Variants in TRIM11 observed in about 807,000 individuals in gnomAD.
TRIM11 encodes the protein E3 ubiquitin-protein ligase TRIM11.
TRIM11 carries 15 observed loss-of-function variants against 33.4 expected under a neutral mutation model. The ratio of observed to expected loss-of-function variants is 0.45; its 90% confidence interval spans 0.30 to 0.69. TRIM11 has a LOEUF of 0.69. TRIM11 is among the 30% of genes least tolerant of loss of function. TRIM11 has a pLI of 0.08. For missense variants in TRIM11, 499 were observed against 667.6 expected (o/e 0.75, Z 2.78); for synonymous variants, 281 against 302.6 (o/e 0.93, Z 0.74).
At position 228,397,146 on chromosome 1, in the gene TRIM11, C is replaced by T. The variant is rs765909986; in HGVS notation, c.755G>A (p.Arg252His). ...GLLQDIKDAL[R>H]RVQDVKLQPP... ...CCAGGAGAGGCTGGGTTCGTACCTG[C>T]GCAGGGCGTCCTTGATGTCCTATGT... Residue 252 changes from arginine to histidine, a missense_variant, in exon 4 of 6, where the codon CGC becomes CAC. Coordinates refer to ENST00000284551, the MANE Select transcript of TRIM11 (RefSeq NM_145214.3). The T allele has an allele frequency of 1.3e-5, 21 of 1,613,578 alleles. No homozygotes were observed. The highest frequency in any genetic ancestry group is 3.3e-5 in the South Asian group (3 of 91,058).
At position 228,401,312 on chromosome 1, in the gene TRIM11, G is replaced by A; in HGVS notation, c.505-118C>T. The A allele has an allele frequency of 8.0e-7, 1 of 1,246,754 alleles. No individual in the cohort carries two copies. 77.2% of individuals were successfully genotyped at this position (1,246,754 alleles called of 1,614,324 possible). On this transcript the variant is annotated intron_variant, in intron 2 of 5. Coordinates refer to ENST00000284551, the MANE Select transcript of TRIM11 (RefSeq NM_145214.3). The surrounding 1 kb of genome is among the most constrained non-coding windows in gnomAD (Gnocchi z 6.1). ...GGCTGCACCCAACCCCACCCCCGGG[G>A]CCTGCTAAAGCCAAAGCACAGCACC...
chr1:228,397,381 C>T, intron 3 of TRIM11: 1 of 607,304 alleles, frequency 1.6e-6, no homozygotes, highest in Non-Finnish European at 2.9e-6. Flanking sequence ...GAGGCATCAC[C>T]AATGGGGTGC....
chr1:228,394,878 C>A lies in TRIM11; in HGVS notation c.1234G>T (p.Ala412Ser), dbSNP rs763514644. 5.6e-6 allele frequency: 9 copies of A among 1,614,124 alleles called. No homozygotes were observed. The highest frequency in any genetic ancestry group is 1.1e-5 in the South Asian group (1 of 91,076). ...RRVGIFLDYE[A>S]GHLSFYSATD... ...GCACTGTAGAAAGAGAGATGTCCAG[C>A]CTCGTAGTCCAGAAAGATCCCCACG... The change falls in exon 6 of 6, where the codon GCT (alanine) becomes TCT (serine). Residue 412 changes from alanine to serine, a missense_variant. Transcript: ENST00000284551. The surrounding 1 kb of genome is among the most constrained non-coding windows in gnomAD (Gnocchi z 6.2).
chr1:228,396,488 C>T (rs2074987651), intron 5 of TRIM11: 2 of 594,046 alleles, frequency 3.4e-6, no homozygotes, highest in South Asian at 2.1e-5. Context: ...GTATCCTTCA[C>T]AATAAACCAA....
Position 228,400,765 on chromosome 1 carries a change from G to A in TRIM11, c.735+199C>T, listed in dbSNP as rs1033909691. On this transcript the variant is annotated intron_variant, in intron 3 of 5. Coordinates refer to ENST00000284551, the MANE Select transcript of TRIM11 (RefSeq NM_145214.3). The surrounding 1 kb of genome is among the most constrained non-coding windows in gnomAD (Gnocchi z 4.5). ...ATTGATTTTCCCTTTCTCGGCACGT[G>A]GGTTTTGGGGGTGGGACATCTGTCC... Among the ~76,000 whole-genome samples the A allele has an allele frequency of 3.0e-4, 46 of 152,298 alleles. 1 individual carries two copies. Among genetic ancestry groups the A allele is most frequent in the African/African-American group, 1.1e-3 (44 of 41,550 alleles).
rs745988237 is a variant in TRIM11 at position 228,400,682 on chromosome 1, T to G, written c.735+282A>C. ...AGCAGCAGTGTCAGTCAGGACGAGA[T>G]GGAGTGACCTTATGTAATCACTTAA... On this transcript the variant is annotated intron_variant, in intron 3 of 5. Coordinates refer to ENST00000284551, the MANE Select transcript of TRIM11 (RefSeq NM_145214.3). The surrounding 1 kb of genome is among the most constrained non-coding windows in gnomAD (Gnocchi z 4.5). 2.0e-5 allele frequency among the ~76,000 whole-genome samples: 3 copies of G among 152,136 alleles called. No individual in the cohort carries two copies. The highest frequency in any genetic ancestry group is 4.4e-5 in the Non-Finnish European group (3 of 68,020).
rs1158387081 is a variant in TRIM11, at chr1:228,400,013, C to G, written c.735+951G>C. ...GGCTCCAGAGGCCGGCAGCAGGTCACCCCCTGTGCAAAGCCGCCCAGCCAC... is the reference window on the plus strand; with the variant it reads ...GGCTCCAGAGGCCGGCAGCAGGTCAGCCCCTGTGCAAAGCCGCCCAGCCAC... On this transcript the variant is annotated intron_variant, in intron 3 of 5. Transcript: ENST00000284551. The surrounding 1 kb of genome is among the most constrained non-coding windows in gnomAD (Gnocchi z 4.5). Among the ~76,000 whole-genome samples the G allele has an allele frequency of 1.3e-5, 2 of 152,166 alleles. No homozygotes were observed. Among genetic ancestry groups the G allele is most frequent in the African/African-American group, 4.8e-5 (2 of 41,452 alleles).
chr1:228,397,318 C>A, intron 3 of TRIM11, 153 bp from the exon 4 acceptor site: 2 of 782,960 alleles, frequency 2.6e-6, no homozygotes, highest in Admixed American at 2.8e-5. Flanking sequence ...AAACCACCCG[C>A]AGCAAGGCTC....
At chr1:228,399,963 C>T (rs144335979) in intron 3 of TRIM11, among the ~76,000 whole-genome samples, 13 of 152,224 alleles carry the variant, frequency 8.5e-5, no homozygotes, top group Non-Finnish European at 1.8e-4. Flanking sequence ...AACCAGGAGC[C>T]GGTGCCTGGA....
At chr1:228,402,262 C>A (rs1656263313) in intron 1 of TRIM11, 101 bp from the exon 2 acceptor site, 2 of 818,298 alleles carry the variant, frequency 2.4e-6, no homozygotes, top group South Asian at 1.9e-5. Flanking sequence ...ACAATGGGGA[C>A]AAACTGAAAT....
rs1021195206 is a variant in TRIM11 at position 228,394,379 on chromosome 1, C to G, written c.*326G>C. ...TAGGTGAACCCTGGATTCTGCAAGC[C>G]CCAGTGGAGTTTTCTCAGCTTCTGG... On this transcript the variant is annotated 3_prime_UTR_variant, in exon 6 of 6. Transcript: ENST00000284551. This position sits in a 1 kb window ranked among gnomAD's most constrained non-coding sequence, Gnocchi z 6.2. 8.8e-5 allele frequency: 32 copies of G among 362,658 alleles called. No individual in the cohort carries two copies. The highest frequency in any genetic ancestry group is 1.5e-4 in the Non-Finnish European group (30 of 201,106). The allele number at this position is 362,658 out of a possible 1,614,324, so 22.5% of individuals were successfully genotyped here.
At position 228,395,448 on chromosome 1, in the gene TRIM11, T is replaced by G; in HGVS notation, c.860-196A>C. ...CCTCTCCCCACTTAGCTACGTCCAG[T>G]TGCAACTTACAATGTCCTACAAATT... On this transcript the variant is annotated intron_variant, in intron 5 of 5. Coordinates refer to ENST00000284551, the MANE Select transcript of TRIM11 (RefSeq NM_145214.3). This position sits in a 1 kb window ranked among gnomAD's most constrained non-coding sequence, Gnocchi z 4.8. 2.2e-6 allele frequency: 1 copy of G among 455,916 alleles called. No individual in the cohort carries two copies. The highest frequency in any genetic ancestry group is 3.6e-6 in the Non-Finnish European group (1 of 275,510). The allele number at this position is 455,916 out of a possible 1,614,324, so 28.2% of individuals were successfully genotyped here.
chr1:228,399,654 C>T (rs2075014754), intron 3 of TRIM11, among the ~76,000 whole-genome samples: 2 of 152,078 alleles, frequency 1.3e-5, no homozygotes, highest in African/African-American at 4.8e-5. Flanking sequence ...TTACTGACCA[C>T]AGGACCCTCT....
Position 228,401,170 on chromosome 1 carries a change from T to G in TRIM11, c.529A>C (p.Asn177His). Residue 177 changes from asparagine to histidine, a missense_variant, in exon 3 of 6, where the codon AAC becomes CAC. Physicochemically the swap from Asn to His is moderately conservative, Grantham distance 68. Transcript: ENST00000284551. This position sits in a 1 kb window ranked among gnomAD's most constrained non-coding sequence, Gnocchi z 6.1. The part of the protein sequence containing the change: ...WQKMVESQRQ[N>H]VLGEFERLRR... The stretch of plus-strand genomic sequence containing the variant: ...AGACGCTCGAACTCACCCAGCACGT[T>G]CTGCCGCTGGCTCTCCACCATCTTC... 1 of 1,613,304 alleles carries G rather than the reference T, an allele frequency of 6.2e-7. No homozygotes were observed. The highest frequency in any genetic ancestry group is 8.5e-7 in the Non-Finnish European group (1 of 1,179,824).
At chr1:228,396,676 G>A (rs1335243655) in intron 5 of TRIM11, 1 of 717,414 alleles carries the variant, frequency 1.4e-6, no homozygotes, top group Admixed American at 2.0e-5. Flanking sequence ...ACTAACTCCT[G>A]TAGTGTCAGC....
chr1:228,395,330 G>A lies in TRIM11; in HGVS notation c.860-78C>T, dbSNP rs936363012. On this transcript the variant is annotated intron_variant, in intron 5 of 5. Coordinates refer to ENST00000284551, the MANE Select transcript of TRIM11 (RefSeq NM_145214.3). This position sits in a 1 kb window ranked among gnomAD's most constrained non-coding sequence, Gnocchi z 4.8. ...CATCTGCCCATGTCCTGGGCATGTA[G>A]GTACAATCCTCCCAGTCGGACGGCC... 8.1e-6 allele frequency: 11 copies of A among 1,364,640 alleles called. No individual in the cohort carries two copies. The highest frequency in any genetic ancestry group is 8.0e-5 in the East Asian group (3 of 37,412). 84.5% of individuals were successfully genotyped at this position (1,364,640 alleles called of 1,614,324 possible). A position where few individuals can be genotyped will look rare whatever the true frequency, so the allele number is the denominator to read the frequency against.
At position 228,396,928 on chromosome 1, in the gene TRIM11, C is replaced by A. The variant is rs761857107; in HGVS notation, c.859+19G>T. 1 of 1,613,114 alleles carries A rather than the reference C, an allele frequency of 6.2e-7. No individual in the cohort carries two copies. Among genetic ancestry groups the A allele is most frequent in the South Asian group, 1.1e-5 (1 of 91,058 alleles). On this transcript the variant is annotated intron_variant, in intron 5 of 5. Coordinates refer to ENST00000284551, the MANE Select transcript of TRIM11 (RefSeq NM_145214.3). The stretch of plus-strand genomic sequence containing the variant: ...TCCCCTCCTGGAGTCATCTCCCCAC[C>A]TGGGGCCTCCACACCTACCTCGAAA...
chr1:228,401,830 G>C lies in TRIM11; in HGVS notation c.504+236C>G, dbSNP rs370771611. ...TGAGAGTTGCCACCCAAGCATGCTG[G>C]GACCCCAGGATGGGGCCCTTGCAGT... is the stretch of plus-strand genomic sequence containing the variant. On this transcript the variant is annotated intron_variant, in intron 2 of 5. Transcript: ENST00000284551. The surrounding 1 kb of genome is among the most constrained non-coding windows in gnomAD (Gnocchi z 6.1). Among the ~76,000 whole-genome samples the C allele has an allele frequency of 7.8e-4, 118 of 152,236 alleles. 1 individual carries two copies. The East Asian group carries it at 0.01, about 13-fold the overall frequency.
In TRIM11 at chr1:228,394,848, C is replaced by T. The variant is rs780165869; in HGVS notation, c.1264G>A (p.Asp422Asn). Residue 422 changes from aspartate (D) to asparagine (N), a missense_variant, in exon 6 of 6, where the codon GAT becomes AAT. Physicochemically the swap from Asp to Asn is conservative, Grantham distance 23 (BLOSUM62 1). Coordinates refer to ENST00000284551, the MANE Select transcript of TRIM11 (RefSeq NM_145214.3). This position sits in a 1 kb window ranked among gnomAD's most constrained non-coding sequence, Gnocchi z 6.2. ...AGHLSFYSAT[D>N]GSLLFIFPEI... is the part of the protein sequence containing the mutation. ...GGAAAGATGAATAGCAGTGACCCATCGGTGGCACTGTAGAAAGAGAGATGT... is the reference window on the plus strand; with the variant it reads ...GGAAAGATGAATAGCAGTGACCCATTGGTGGCACTGTAGAAAGAGAGATGT... The T allele has an allele frequency of 4.3e-6, 7 of 1,614,074 alleles. No individual in the cohort carries two copies. Among genetic ancestry groups the T allele is most frequent in the Admixed American group, 1.7e-5 (1 of 60,030 alleles).
Sources: gnomAD v4.1 joint callset for allele counts (sites outside exome capture counted in the v4.1 genomes callset) on GRCh38, gnomAD v4.1.1 for gene constraint, Gnocchi (gnomAD v3.1) non-coding constraint, MANE v1.5 for transcripts, NCBI Gene and HGNC (gene_info 2026-07-23, HGNC 2026-07-21) for gene names.